Variants in GAREM1 observed in about 807,000 individuals in gnomAD.
The protein encoded by GAREM1 is GRB2 associated regulator of MAPK1 subtype 1.
A neutral mutation model predicts 71.3 loss-of-function variants in GAREM1; 26 were observed. The ratio of observed to expected loss-of-function variants is 0.36; its 90% confidence interval spans 0.27 to 0.51. The LOEUF is 0.51. Ranked by LOEUF, GAREM1 falls within the 20% of genes least tolerant of loss-of-function variation. The pLI is 0.95. For synonymous variants in GAREM1, 440 were observed against 433.2 expected (o/e 1.02, Z -0.20); for missense variants, 1,026 against 1,103.1 (o/e 0.93, Z 0.99).
chr18:32,355,095 A>AAGG (rs1567976537), intron 2 of GAREM1, among the ~76,000 whole-genome samples: 5 of 152,364 alleles, frequency 3.3e-5, no homozygotes, highest in Non-Finnish European at 7.3e-5. Context: ...TGTGCTGAGA[A>AAGG]TTTGAAAGTA....
chr18:32,444,708 C>T (rs1202612128), intron 1 of GAREM1, among the ~76,000 whole-genome samples: 1 of 152,160 alleles, frequency 6.6e-6, no homozygotes, highest in Non-Finnish European at 1.5e-5. Context: ...GGTCTCACCC[C>T]AGTTGTTTCC....
In GAREM1 at chr18:32,264,048, G is replaced by A. The variant is rs1315529063; in HGVS notation, c.*3823C>T. On this transcript the variant is annotated 3_prime_UTR_variant, in exon 6 of 6. Coordinates refer to ENST00000269209, the MANE Select transcript of GAREM1 (RefSeq NM_001242409.2). ...AATGAGACAAATTTTAAAACACCAA[G>A]TTTTAAAGACTGAACAGTGTGATTT... 6.6e-6 allele frequency: 1 copy of A among 152,148 alleles called. No individual in the cohort carries two copies. Among genetic ancestry groups the A allele is most frequent in the Non-Finnish European group, 1.5e-5 (1 of 68,022 alleles). The allele number at this position is 152,148 out of a possible 1,614,324, so 9.4% of individuals were successfully genotyped here.
intron 1 of GAREM1, among the ~76,000 whole-genome samples, chr18:32,451,893 T>A (rs1478444157): frequency 2.0e-5 from 3 of 152,204 alleles, no homozygotes; most frequent in Non-Finnish European, 4.4e-5. Context: ...ATCTTCAACA[T>A]GATGCAGTGA....
chr18:32,425,955 A>G (rs1012714833), intron 1 of GAREM1, among the ~76,000 whole-genome samples: 2 of 152,000 alleles, frequency 1.3e-5, no homozygotes, highest in African/African-American at 4.8e-5. Context: ...CTTATTTTTT[A>G]TAAGCCTTTG....
At chr18:32,457,749 C>A (rs1364137915) in intron 1 of GAREM1, among the ~76,000 whole-genome samples, 6 of 151,998 alleles carry the variant, frequency 3.9e-5, no homozygotes, top group Non-Finnish European at 7.4e-5. Context: ...GTGATATGTA[C>A]TTTTTTAATT....
rs2041481936 is a variant in GAREM1 at position 32,272,811 on chromosome 18, G to A, written c.1567-2428C>T. ...GCTAATTTTGTATTTTTAGTAGAAA[G>A]GGGGTTTCGCCATGCTGGCCAGGCT... On this transcript the variant is annotated intron_variant, in intron 4 of 5. Coordinates refer to ENST00000269209, the MANE Select transcript of GAREM1 (RefSeq NM_001242409.2). 2.6e-5 allele frequency among the ~76,000 whole-genome samples: 4 copies of A among 151,346 alleles called. No homozygotes were observed. In the Admixed American group the frequency reaches 2.7e-4, roughly 10 times the overall value.
intron 2 of GAREM1, among the ~76,000 whole-genome samples, chr18:32,318,273 C>T (rs528505321): frequency 1.7e-4 from 26 of 152,182 alleles, no homozygotes; most frequent in Non-Finnish European, 3.1e-4. Context: ...ATGAAATAAC[C>T]GTCATCTAGA....
At chr18:32,432,193 A>T (rs2048630786) in intron 1 of GAREM1, among the ~76,000 whole-genome samples, 1 of 152,196 alleles carries the variant, frequency 6.6e-6, no homozygotes, top group South Asian at 2.1e-4. Flanking sequence ...CTTTAAAATA[A>T]ATATGATGGT....
At chr18:32,332,879 T>C (rs2047551163) in intron 2 of GAREM1, among the ~76,000 whole-genome samples, 1 of 152,006 alleles carries the variant, frequency 6.6e-6, no homozygotes, top group Non-Finnish European at 1.5e-5. Context: ...AACGATGGCA[T>C]GACAGAGAGA....
Position 32,287,958 on chromosome 18 carries a change from G to C in GAREM1, c.639C>G (p.Phe213Leu). The C allele has an allele frequency of 6.2e-7, 1 of 1,614,098 alleles. No homozygotes were observed. The highest frequency in any genetic ancestry group is 8.5e-7 in the Non-Finnish European group (1 of 1,180,026). The change falls in exon 4 of 6, where the codon TTC becomes TTG. Residue 213 changes from phenylalanine (F) to leucine (L), a missense_variant. Transcript: ENST00000269209. The surrounding 1 kb of genome is among the most constrained non-coding windows in gnomAD (Gnocchi z 5.9). ...GGGTGCTAAATCTGCCCTTGCACTGGAATGGAAGGCTAATGCTTTCGTTGG... is the reference window on the plus strand; with the variant it reads ...GGGTGCTAAATCTGCCCTTGCACTGCAATGGAAGGCTAATGCTTTCGTTGG... ...HRTNESISLPFQCKGRFSTRS... is the reference protein window; with the variant it reads ...HRTNESISLPLQCKGRFSTRS...
intron 2 of GAREM1, among the ~76,000 whole-genome samples, chr18:32,382,113 C>T (rs534218261): frequency 1.3e-5 from 2 of 152,142 alleles, no homozygotes; most frequent in Non-Finnish European, 2.9e-5. Context: ...AAAGAAGAAT[C>T]CATTTCAGTT....
intron 2 of GAREM1, chr18:32,331,501 T>C (rs747850500): frequency 2.6e-5 from 4 of 152,178 alleles, no homozygotes; most frequent in Non-Finnish European, 4.4e-5. Context: ...ATCCTGTATA[T>C]GACATAAGAA....
chr18:32,290,084 CTAA>C (rs978043130), intron 3 of GAREM1, among the ~76,000 whole-genome samples: 3 of 151,272 alleles, frequency 2.0e-5, no homozygotes, highest in Non-Finnish European at 4.4e-5. Flanking sequence ...TTACTGTATA[CTAA>C]TATTATATAC....
At chr18:32,340,687 C>T (rs1423075940) in intron 2 of GAREM1, among the ~76,000 whole-genome samples, 1 of 152,152 alleles carries the variant, frequency 6.6e-6, no homozygotes, top group African/African-American at 2.4e-5. Context: ...GAAGTAATAG[C>T]AGCATACCAT....
intron 1 of GAREM1, among the ~76,000 whole-genome samples, chr18:32,447,525 T>C (rs1340252456): frequency 6.6e-6 from 1 of 151,934 alleles, no homozygotes; most frequent in South Asian, 2.1e-4. Flanking sequence ...CATATTAATA[T>C]TAATGCAACA....
chr18:32,410,066 A>C (rs968652839), intron 1 of GAREM1, among the ~76,000 whole-genome samples: 1 of 152,214 alleles, frequency 6.6e-6, no homozygotes, highest in Admixed American at 6.5e-5. Context: ...ATTTTATAAC[A>C]CTGTGTGAAG....
At chr18:32,356,778 A>G (rs1443129786) in intron 2 of GAREM1, among the ~76,000 whole-genome samples, 3 of 152,198 alleles carry the variant, frequency 2.0e-5, no homozygotes, top group Admixed American at 6.5e-5. Context: ...ATCCACCTTA[A>G]TCTGACAAAT....
intron 2 of GAREM1, among the ~76,000 whole-genome samples, chr18:32,380,795 T>C (rs536263850): frequency 6.6e-6 from 1 of 152,166 alleles, no homozygotes; most frequent in African/African-American, 2.4e-5. Flanking sequence ...GGTAGGGAAG[T>C]GGGTGCAAAC....
intron 2 of GAREM1, among the ~76,000 whole-genome samples, chr18:32,348,677 C>T (rs374131418): frequency 3.9e-5 from 6 of 152,188 alleles, no homozygotes; most frequent in East Asian, 3.9e-4. Context: ...TGAGCAAGAT[C>T]GTGCCACTGC....
Sources: gnomAD v4.1 joint callset for allele counts (sites outside exome capture counted in the v4.1 genomes callset) on GRCh38, gnomAD v4.1.1 for gene constraint, Gnocchi (gnomAD v3.1) non-coding constraint, MANE v1.5 for transcripts, NCBI Gene and HGNC (gene_info 2026-07-23, HGNC 2026-07-21) for gene names.